The following XPO4 variants were observed in gnomAD, a reference collection of about 807,000 sequenced individuals.
XPO4 encodes the protein exportin-4.
In XPO4, 39 loss-of-function variants were observed where a neutral mutation model predicts 143.0. The observed-to-expected ratio is 0.27, with a 90% CI of 0.21 to 0.36. The LOEUF (loss-of-function observed/expected upper bound fraction) is 0.36, where lower values mean the gene tolerates loss of function less well. Among genes scored for constraint, XPO4 ranks in the 10% least tolerant of loss-of-function variants. The pLI is 1.00. For missense variants in XPO4, 907 were observed against 1,348.0 expected, an observed-to-expected ratio of 0.67 and a Z score of 5.12; for synonymous variants, 439 against 474.0, an observed-to-expected ratio of 0.93 and a Z score of 0.96.
intron 22 of XPO4, 69 bp downstream of exon 22, chr13:20,786,896 C>G (rs748151936): frequency 3.1e-6 from 4 of 1,302,574 alleles, no homozygotes; most frequent in Non-Finnish European, 4.2e-6. Flanking sequence ...AATGACCCAC[C>G]ATCTATCTCA....
chr13:20,866,325 T>A lies in XPO4; in HGVS notation c.175+2271A>T, dbSNP rs1036586313. The A allele has an allele frequency of 1.0e-5, 10 of 984,422 alleles. No homozygotes were observed. The African/African-American group carries it at 1.8e-4, about 17-fold the overall frequency. The allele number at this position is 984,422 out of a possible 1,614,324, so 61.0% of individuals were successfully genotyped here. A position where few individuals can be genotyped will look rare whatever the true frequency, so the allele number is the denominator to read the frequency against. ...AAGAAGAGAAAGAAATGAGGAAAAA[T>A]GAGCAACATATAAAACTCAAGTTAG... On this transcript the variant is annotated intron_variant, in intron 2 of 22. Coordinates refer to ENST00000255305, the MANE Select transcript of XPO4 (RefSeq NM_022459.5).
Position 20,868,616 on chromosome 13 carries a change from G to T in XPO4, c.155C>A (p.Ala52Glu). The T allele has an allele frequency of 6.2e-7, 1 of 1,612,484 alleles. No homozygotes were observed. The highest frequency in any genetic ancestry group is 8.5e-7 in the Non-Finnish European group (1 of 1,179,316). The change falls in exon 2 of 23, where the codon GCA (alanine) becomes GAA (glutamate). Residue 52 changes from alanine (A) to glutamate (E), a missense_variant. Coordinates refer to ENST00000255305, the MANE Select transcript of XPO4 (RefSeq NM_022459.5). ...CTTACCCAAAATATGCTTGCAAACT[G>T]CAAATGGTGATTTTGATTTCCTAAA... ...LSFRKSKSPF[A>E]VCKHILETSK... is the part of the protein sequence containing the mutation.
intron 2 of XPO4, among the ~76,000 whole-genome samples, chr13:20,867,568 T>A (rs760343593): frequency 6.6e-6 from 1 of 152,192 alleles, no homozygotes; most frequent in Non-Finnish European, 1.5e-5. Context: ...TTCCTCAAGG[T>A]GCACCAGTGG....
At chr13:20,789,370 C>T (rs1432720103) in intron 19 of XPO4, among the ~76,000 whole-genome samples, 1 of 151,620 alleles carries the variant, frequency 6.6e-6, no homozygotes, top group Non-Finnish European at 1.5e-5. Context: ...TATGTACTCA[C>T]CTTCTGGACA....
intron 4 of XPO4, among the ~76,000 whole-genome samples, chr13:20,853,322 G>A (rs2060108818): frequency 1.1e-5 from 1 of 91,734 alleles, no homozygotes; most frequent in South Asian, 4.6e-4. Context: ...AACAGAGCAA[G>A]TGAGACCCTG....
At chr13:20,829,660 T>C (rs1195814410) in intron 6 of XPO4, among the ~76,000 whole-genome samples, 1 of 152,152 alleles carries the variant, frequency 6.6e-6, no homozygotes, top group African/African-American at 2.4e-5. Flanking sequence ...AAGGGAATCA[T>C]ATTTATAAAT....
intron 1 of XPO4, chr13:20,902,275 C>T: frequency 1.0e-6 from 1 of 985,398 alleles, no homozygotes. Context: ...CCTCCCGACA[C>T]CAACTCCCCA....
In XPO4 at chr13:20,902,154, G is replaced by A. The variant is rs542607243; in HGVS notation, c.69+516C>T. The stretch of plus-strand genomic sequence containing the variant: ...TCCAGCCGGCCCGGCCCTTCCACGT[G>A]CTGCCGGCTGCAATTACTCCAGAGG... On this transcript the variant is annotated intron_variant, in intron 1 of 22. Transcript: ENST00000255305. 21 of 985,330 alleles carry A rather than the reference G, an allele frequency of 2.1e-5. 1 individual carries two copies. The South Asian group carries it at 8.9e-4, about 42-fold the overall frequency. 61.0% of individuals were successfully genotyped at this position (985,330 alleles called of 1,614,324 possible). A position where few individuals can be genotyped will look rare whatever the true frequency, so the allele number is the denominator to read the frequency against.
At chr13:20,898,380 C>T (rs776053500) in intron 1 of XPO4, among the ~76,000 whole-genome samples, 21 of 152,128 alleles carry the variant, frequency 1.4e-4, no homozygotes, top group Non-Finnish European at 2.4e-4. Context: ...GCCTGGCCAA[C>T]GTGTTGAAAC....
At chr13:20,855,818 T>G in intron 3 of XPO4, 53 bp from the exon 4 acceptor site, 1 of 1,514,030 alleles carries the variant, frequency 6.6e-7, no homozygotes, top group Non-Finnish European at 8.8e-7. Context: ...AATACAAGAA[T>G]ACTCCCAAAC....
At chr13:20,802,735 T>G (rs1352366916) in intron 13 of XPO4, among the ~76,000 whole-genome samples, 1 of 152,220 alleles carries the variant, frequency 6.6e-6, no homozygotes, top group Non-Finnish European at 1.5e-5. Context: ...TGTTCCAGTA[T>G]TTTGTTCATC....
At chr13:20,853,596 A>G (rs1237794082) in intron 4 of XPO4, among the ~76,000 whole-genome samples, 1 of 152,168 alleles carries the variant, frequency 6.6e-6, no homozygotes, top group Non-Finnish European at 1.5e-5. Flanking sequence ...TGACTTATAG[A>G]ATGTAAAGAT....
At position 20,782,128 on chromosome 13, in the gene XPO4, GTT is replaced by G. The variant is rs1477416165; in HGVS notation, c.*1592_*1593del. ...GGTTGGATGTAATTCAGATGCTCCAGTTTTGTTAACTGTTAATAACACAGAAT... is the reference window on the plus strand; with the variant it reads ...GGTTGGATGTAATTCAGATGCTCCAGTTGTTAACTGTTAATAACACAGAAT... On this transcript the variant is annotated 3_prime_UTR_variant, in exon 23 of 23. Coordinates refer to ENST00000255305, the MANE Select transcript of XPO4 (RefSeq NM_022459.5). 1 of 152,230 alleles carries G rather than the reference GTT, an allele frequency of 6.6e-6. No homozygotes were observed. Among genetic ancestry groups the G allele is most frequent in the Non-Finnish European group, 1.5e-5 (1 of 68,032 alleles). The allele number at this position is 152,230 out of a possible 1,614,324, so 9.4% of individuals were successfully genotyped here.
intron 22 of XPO4, among the ~76,000 whole-genome samples, chr13:20,784,908 C>T (rs2059181790): frequency 6.6e-6 from 1 of 152,230 alleles, no homozygotes; most frequent in South Asian, 2.1e-4. Flanking sequence ...CTCCACTGCA[C>T]TCCAGCCTGG....
Position 20,843,036 on chromosome 13 carries a change from G to A in XPO4, c.586C>T (p.Arg196Cys), listed in dbSNP as rs370079264. The A allele has an allele frequency of 1.4e-5, 23 of 1,610,040 alleles. No individual in the cohort carries two copies. In the African/African-American group the frequency reaches 1.5e-4, roughly 10 times the overall value. ...TCAACAGTTAACATGAAGATCTGAC[G>A]AAGGTCTTCTTCCTATAGTCAATAA... ...CKRVFQEEDLRQIFMLTVEVL... is the reference protein window; with the variant it reads ...CKRVFQEEDLCQIFMLTVEVL... The change falls in exon 6 of 23, where the codon CGT becomes TGT. Residue 196 changes from arginine to cysteine, a missense_variant. By Grantham distance (180) the Arg-to-Cys change is radical. Coordinates refer to ENST00000255305, the MANE Select transcript of XPO4 (RefSeq NM_022459.5).
intron 1 of XPO4, among the ~76,000 whole-genome samples, chr13:20,896,889 T>C (rs115210257): frequency 1.2e-4 from 18 of 152,348 alleles, no homozygotes; most frequent in African/African-American, 4.3e-4. Context: ...GTTTTAATCA[T>C]AAAATGCTGT....
intron 9 of XPO4, among the ~76,000 whole-genome samples, chr13:20,815,484 A>AT (rs1446426194): frequency 4.6e-5 from 7 of 152,302 alleles, no homozygotes; most frequent in Non-Finnish European, 1.0e-4. Flanking sequence ...GTCTTTATCT[A>AT]TATTTATATT....
At chr13:20,841,000 A>G (rs1489783961) in intron 6 of XPO4, among the ~76,000 whole-genome samples, 1 of 152,190 alleles carries the variant, frequency 6.6e-6, no homozygotes, top group Non-Finnish European at 1.5e-5. Flanking sequence ...AAAATATTTT[A>G]TGTGTGTGTA....
At chr13:20,785,301 C>G (rs928972635) in intron 22 of XPO4, among the ~76,000 whole-genome samples, 1 of 152,164 alleles carries the variant, frequency 6.6e-6, no homozygotes, top group African/African-American at 2.4e-5. Context: ...AGTGGCTCCC[C>G]TAATTGCCTT....
Sources: gnomAD v4.1 joint callset for allele counts (sites outside exome capture counted in the v4.1 genomes callset) on GRCh38, gnomAD v4.1.1 for gene constraint, MANE v1.5 for transcripts, NCBI Gene and HGNC (gene_info 2026-07-23, HGNC 2026-07-21) for gene names.